The following AFDN variants were observed in gnomAD, a reference collection of about 807,000 sequenced individuals.
AFDN encodes the protein afadin.
In AFDN, 68 loss-of-function variants were observed where a neutral mutation model predicts 216.6. The ratio of observed to expected loss-of-function variants is 0.31; its 90% CI spans 0.26 to 0.38. The LOEUF is 0.38. Ranked by LOEUF, AFDN falls within the 10% of genes least tolerant of loss-of-function variation. The probability of loss-of-function intolerance (pLI) is 1.00; values close to 1 mark genes in which losing one functional copy is unlikely to be tolerated. For synonymous variants in AFDN, 868 were observed against 853.7 expected (o/e 1.02, Z -0.29); for missense variants, 2,136 against 2,342.0 (o/e 0.91, Z 1.82).
At chr6:167,864,791 GTGAAGA>G in intron 2 of AFDN, 45 bp downstream of exon 2, 1 of 1,576,620 alleles carries the variant, frequency 6.3e-7, no homozygotes, top group Admixed American at 1.7e-5. Context: ...GACCTGACCT[GTGAAGA>G]GACAGCTTGT....
chr6:167,865,746 A>C (rs1784104658), intron 2 of AFDN, among the ~76,000 whole-genome samples: 1 of 152,100 alleles, frequency 6.6e-6, no homozygotes, highest in Non-Finnish European at 1.5e-5. Flanking sequence ...GTATAGCACA[A>C]ACCTAATTTG....
intron 29 of AFDN, among the ~76,000 whole-genome samples, chr6:167,949,849 A>C (rs983062440): frequency 8.7e-6 from 1 of 115,376 alleles, no homozygotes; most frequent in Admixed American, 9.1e-5. Context: ...ACTTGTTTCT[A>C]CCTCACATGG....
intron 1 of AFDN, among the ~76,000 whole-genome samples, chr6:167,830,033 G>A (rs1779653044): frequency 6.6e-6 from 1 of 152,152 alleles, no homozygotes; most frequent in Admixed American, 6.5e-5. Flanking sequence ...TGAACCTGAT[G>A]TTGTTATTTT....
chr6:167,826,827 CGGCGGCGCGCACGGCG>C (rs1306105117), upstream of AFDN: 2 of 145,386 alleles, frequency 1.4e-5, no homozygotes, highest in African/African-American at 2.5e-5. Context: ...CCGCGCGGGG[CGGCGGCGCGCACGGCG>C]GGCGGCGGCG....
At chr6:167,959,124 G>A (rs926375707) in intron 30 of AFDN, among the ~76,000 whole-genome samples, 1 of 152,364 alleles carries the variant, frequency 6.6e-6, no homozygotes, top group Non-Finnish European at 1.5e-5. Flanking sequence ...GAGCCACACT[G>A]TCTTCCTTGT....
chr6:167,930,354 C>G (rs1793130814), intron 23 of AFDN, among the ~76,000 whole-genome samples: 1 of 152,220 alleles, frequency 6.6e-6, no homozygotes, highest in South Asian at 2.1e-4. Flanking sequence ...GTCACTTCAT[C>G]AGCACATGCC....
chr6:167,931,941 C>T (rs1186058397), intron 23 of AFDN, among the ~76,000 whole-genome samples: 2 of 152,160 alleles, frequency 1.3e-5, no homozygotes, highest in Non-Finnish European at 2.9e-5. Context: ...CATGGCACCC[C>T]CTCTCAAAGC....
intron 1 of AFDN, among the ~76,000 whole-genome samples, chr6:167,847,260 T>C (rs1781802988): frequency 6.6e-6 from 1 of 152,192 alleles, no homozygotes; most frequent in Non-Finnish European, 1.5e-5. Context: ...CACACTCTTT[T>C]CTCCACTTAT....
At chr6:167,826,628 A>G (rs1423198520), upstream of AFDN, 4 of 505,088 alleles carry the variant, frequency 7.9e-6, 1 homozygote, top group East Asian at 5.5e-5. Context: ...GCCCATTTAG[A>G]TCCAGCAGCG....
rs57383020 is a variant in AFDN at position 167,897,642 on chromosome 6, C to CTTTTTTTTTTTT, written c.1318-549_1318-538dup. ...AATATTGGTTAAGATGACTGTATGC[C>CTTTTTTTTTTTT]TTTTTTTTTTTTTTTTTTTTTTTTT... On this transcript the variant is annotated intron_variant, in intron 10 of 33. Coordinates refer to ENST00000683244, the MANE Select transcript of AFDN (RefSeq NM_001386888.1). 1.0e-4 allele frequency among the ~76,000 whole-genome samples: 9 copies of CTTTTTTTTTTTT among 89,722 alleles called. 1 individual carries two copies. Among genetic ancestry groups the CTTTTTTTTTTTT allele is most frequent in the African/African-American group, 1.5e-4 (3 of 19,722 alleles). The allele number at this position is 89,722 out of a possible 152,430, so 58.9% of individuals were successfully genotyped here. A position where few individuals can be genotyped will look rare whatever the true frequency, so the allele number is the denominator to read the frequency against.
At chr6:167,863,720 G>A (rs1783841120) in intron 1 of AFDN, 2 of 504,344 alleles carry the variant, frequency 4.0e-6, no homozygotes, top group South Asian at 2.9e-5. Context: ...CCACAGTTGT[G>A]AGTGTCAGCC....
Position 167,971,330 on chromosome 6 carries a change from A to T in AFDN, c.*1395A>T, listed in dbSNP as rs1310937723. On this transcript the variant is annotated 3_prime_UTR_variant, in exon 34 of 34. Transcript: ENST00000683244. ...GTTCTCTTACATATGTTAGGAAAAT[A>T]GGCACACTTTCAAAGAGAGGTATAG... The T allele has an allele frequency of 9.3e-6, 2 of 215,668 alleles. No individual in the cohort carries two copies. Among genetic ancestry groups the T allele is most frequent in the East Asian group, 1.4e-4 (2 of 14,286 alleles). 13.4% of individuals were successfully genotyped at this position (215,668 alleles called of 1,614,324 possible).
rs1022537254 is a variant in AFDN at position 167,969,525 on chromosome 6, C to G, written c.5343-257C>G. 1.6e-4 allele frequency among the ~76,000 whole-genome samples: 24 copies of G among 152,148 alleles called. 1 individual carries two copies. Among genetic ancestry groups the G allele is most frequent in the African/African-American group, 4.8e-4 (20 of 41,408 alleles). ...TTAACTGGTAAGAGTCACCTGCTTG[C>G]TAAAATCTAACTTACAAGTTTTTTG... On this transcript the variant is annotated intron_variant, in intron 33 of 33. Transcript: ENST00000683244.
intron 7 of AFDN, 29 bp downstream of exon 7, chr6:167,889,355 A>G: frequency 1.4e-6 from 2 of 1,451,890 alleles, no homozygotes; most frequent in Non-Finnish European, 1.9e-6. Flanking sequence ...GATTACTTAC[A>G]CCAGATTCCT....
intron 7 of AFDN, among the ~76,000 whole-genome samples, 155 bp from the exon 8 acceptor site, chr6:167,890,707 G>A (rs565233684): frequency 1.3e-5 from 2 of 152,188 alleles, no homozygotes; most frequent in Admixed American, 6.5e-5. Context: ...TTGAGTGAAA[G>A]TATGAATTGG....
chr6:167,875,377 G>A lies in AFDN; in HGVS notation c.621G>A (p.Pro207=), dbSNP rs140639514. 393 of 1,613,288 alleles carry A rather than the reference G, an allele frequency of 2.4e-4. No homozygotes were observed. The highest frequency in any genetic ancestry group is 3.3e-4 in the Middle Eastern group (2 of 6,080). Residue 207 remains proline (P), a synonymous_variant, in exon 5 of 34, where the codon CCG becomes CCA. Transcript: ENST00000683244. ...RLAAEVYKDM[P]ETSFTRTISN... ...CTGCTGAGGTTTACAAAGACATGCC[G>A]GAAACCAGCTTTACTCGAACCATTT...
chr6:167,932,610 C>A (rs1165313295), intron 23 of AFDN: 1 of 152,216 alleles, frequency 6.6e-6, no homozygotes. Flanking sequence ...GCATCCAGCG[C>A]AGAATGTGGT....
At chr6:167,945,292 G>A (rs1452423725) in intron 26 of AFDN, among the ~76,000 whole-genome samples, 1 of 152,126 alleles carries the variant, frequency 6.6e-6, no homozygotes, top group Admixed American at 6.5e-5. Context: ...CTGGTCCCAC[G>A]GGAAGGTCTT....
At position 167,948,468 on chromosome 6, in the gene AFDN, T is replaced by C. The variant is rs113245071; in HGVS notation, c.3821T>C (p.Ile1274Thr). ...HMHTDSNHSS[I>T]AIQRVTRSQE... is the part of the protein sequence containing the mutation. ...CACACAGATAGTAATCATTCCAGTATTGCAATTCAGGTTAGAAATCAAAGA... is the reference window on the plus strand; with the variant it reads ...CACACAGATAGTAATCATTCCAGTACTGCAATTCAGGTTAGAAATCAAAGA... Residue 1274 changes from isoleucine (I) to threonine (T), a missense_variant, in exon 29 of 34, where the codon ATT (isoleucine) becomes ACT (threonine). Transcript: ENST00000683244. 13 of 1,613,760 alleles carry C rather than the reference T, an allele frequency of 8.1e-6. No homozygotes were observed. The highest frequency in any genetic ancestry group is 6.8e-6 in the Non-Finnish European group (8 of 1,179,754).
Sources: gnomAD v4.1 joint callset for allele counts (sites outside exome capture counted in the v4.1 genomes callset) on GRCh38, gnomAD v4.1.1 for gene constraint, MANE v1.5 for transcripts, NCBI Gene and HGNC (gene_info 2026-07-23, HGNC 2026-07-21) for gene names.